The following CASZ1 variants were observed in gnomAD, a reference collection of about 807,000 sequenced individuals.
CASZ1 encodes the protein zinc finger protein castor homolog 1.
A neutral mutation model predicts 135.2 loss-of-function variants in CASZ1; 28 were observed. The ratio of observed to expected loss-of-function variants is 0.21; its 90% CI spans 0.15 to 0.28. The LOEUF (loss-of-function observed/expected upper bound fraction) is 0.28, where lower values mean the gene tolerates loss of function less well. Among genes scored for constraint, CASZ1 ranks in the 10% least tolerant of loss-of-function variants. The pLI is 1.00. For synonymous variants in CASZ1, 1,068 were observed against 1,073.4 expected (o/e 0.99, Z 0.10); for missense variants, 2,161 against 2,453.3 (o/e 0.88, Z 2.52).
In CASZ1 at chr1:10,719,463, C is replaced by T. The variant is rs965380789; in HGVS notation, c.-76-13919G>A. ...CAAGGTGATGTCCTAAGGCTGCACA[C>T]GCCATGCATTTAGAATCTGAGTGCT... On this transcript the variant is annotated intron_variant, in intron 2 of 20. Coordinates refer to ENST00000377022, the MANE Select transcript of CASZ1 (RefSeq NM_001079843.3). This position sits in a 1 kb window ranked among gnomAD's most constrained non-coding sequence, Gnocchi z 4.0. Among the ~76,000 whole-genome samples the T allele has an allele frequency of 5.3e-5, 8 of 152,350 alleles. No homozygotes were observed. The highest frequency in any genetic ancestry group is 1.2e-4 in the African/African-American group (5 of 41,578).
chr1:10,728,785 C>A (rs1639642481), intron 2 of CASZ1, among the ~76,000 whole-genome samples: 1 of 151,826 alleles, frequency 6.6e-6, no homozygotes, highest in Admixed American at 6.6e-5. Flanking sequence ...GGCCGGGCTG[C>A]ACAAAGGGGA....
Position 10,678,180 on chromosome 1 carries a change from G to A in CASZ1, c.17-12609C>T, listed in dbSNP as rs1196836802. On this transcript the variant is annotated intron_variant, in intron 4 of 20. Transcript: ENST00000377022. ...GCAGCAGGTGGCAGAGGAACACGGG[G>A]TGGCACACCACCCGCCCTCCCTGCA... Among the ~76,000 whole-genome samples the A allele has an allele frequency of 2.6e-5, 4 of 152,300 alleles. No homozygotes were observed. The South Asian group carries it at 8.3e-4, about 32-fold the overall frequency.
chr1:10,778,069 A>T (rs1640693326), intron 1 of CASZ1, among the ~76,000 whole-genome samples: 1 of 152,008 alleles, frequency 6.6e-6, no homozygotes, highest in Admixed American at 6.6e-5. Context: ...AAAATCTCAC[A>T]CACACAATCT....
chr1:10,642,998 G>A lies in CASZ1; in HGVS notation c.4023C>T (p.Gly1341=), dbSNP rs1411421370. ...TCTCAGCATCCATCAGGCCTGGGGG[G>A]CCCTGAAAGGACACGGGGGTCCCTG... ...KNFDRVPPSQ[G]PPGLMDAETD... Residue 1341 remains glycine, a splice_region_variant and synonymous_variant, in exon 20 of 21, where the codon GGC becomes GGT. Transcript: ENST00000377022. The A allele has an allele frequency of 1.9e-6, 3 of 1,611,986 alleles. No homozygotes were observed. The highest frequency in any genetic ancestry group is 2.5e-6 in the Non-Finnish European group (3 of 1,179,344).
chr1:10,661,360 C>T (rs1217802945), intron 5 of CASZ1: 1 of 152,274 alleles, frequency 6.6e-6, no homozygotes, highest in African/African-American at 2.4e-5. Context: ...GAGCCACCTC[C>T]CCACAGTGAC....
chr1:10,789,524 GTC>G (rs138435396), intron 1 of CASZ1, among the ~76,000 whole-genome samples: 242 of 145,846 alleles, frequency 1.7e-3, no homozygotes, highest in Middle Eastern at 0.011. Flanking sequence ...ACACGTCCCT[GTC>G]TCTCTCTCTC....
Position 10,767,751 on chromosome 1 carries a change from A to G in CASZ1, c.-233-6894T>C, listed in dbSNP as rs1034837406. ...GAGCCATATTTTATGACCCACTGCA[A>G]GCAGAAAGGGCCACATCAGCAGGTC... On this transcript the variant is annotated intron_variant, in intron 1 of 20. Transcript: ENST00000377022. The surrounding 1 kb of genome is among the most constrained non-coding windows in gnomAD (Gnocchi z 4.2). Among the ~76,000 whole-genome samples, 2 of 152,200 alleles carry G rather than the reference A, an allele frequency of 1.3e-5. No individual in the cohort carries two copies. Among genetic ancestry groups the G allele is most frequent in the African/African-American group, 4.8e-5 (2 of 41,442 alleles).
chr1:10,644,815 T>G, intron 18 of CASZ1, 102 bp downstream of exon 18: 1 of 1,221,776 alleles, frequency 8.2e-7, no homozygotes, highest in Non-Finnish European at 1.2e-6. Flanking sequence ...GAGCCTGCGG[T>G]GGGGAACAGG....
intron 13 of CASZ1, chr1:10,649,932 G>C (rs1381111624): frequency 6.5e-6 from 1 of 152,932 alleles, no homozygotes; most frequent in Admixed American, 6.5e-5. Flanking sequence ...CAGCGGCCGG[G>C]AGGGGGTCAT....
chr1:10,693,910 A>T lies in CASZ1; in HGVS notation c.-21T>A, dbSNP rs766128255. 3 of 1,612,860 alleles carry T rather than the reference A, an allele frequency of 1.9e-6. No homozygotes were observed. Among genetic ancestry groups the T allele is most frequent in the Non-Finnish European group, 2.5e-6 (3 of 1,179,420 alleles). On this transcript the variant is annotated splice_region_variant and 5_prime_UTR_variant, in exon 4 of 21. Coordinates refer to ENST00000377022, the MANE Select transcript of CASZ1 (RefSeq NM_001079843.3). Reference sequence around the variant, plus strand: ...TCCATTCTCTTCTCCTTGGTCCCAAACTCTTCGCAGAACGCCACCAGGGGA... The same window carrying T: ...TCCATTCTCTTCTCCTTGGTCCCAATCTCTTCGCAGAACGCCACCAGGGGA...
At chr1:10,661,779 CACA>C (rs1296083136) in intron 5 of CASZ1, among the ~76,000 whole-genome samples, 1 of 150,908 alleles carries the variant, frequency 6.6e-6, no homozygotes, top group Non-Finnish European at 1.5e-5. Context: ...CACATGCATT[CACA>C]ACACACACAT....
intron 4 of CASZ1, 93 bp downstream of exon 4, chr1:10,693,781 C>T (rs1251830757): frequency 2.5e-6 from 3 of 1,186,252 alleles, no homozygotes; most frequent in Non-Finnish European, 3.8e-6. Flanking sequence ...CACCCGGCCC[C>T]GCCGCCACCT....
At chr1:10,643,117 TC>T in intron 19 of CASZ1, 42 bp downstream of exon 19, 3 of 1,601,818 alleles carry the variant, frequency 1.9e-6, no homozygotes, top group Non-Finnish European at 2.6e-6. Context: ...CATGATGCGT[TC>T]CCGCCACCCT....
intron 4 of CASZ1, among the ~76,000 whole-genome samples, chr1:10,688,557 G>A (rs535891522): frequency 7.9e-5 from 12 of 152,116 alleles, no homozygotes; most frequent in East Asian, 3.9e-4. Context: ...CTGGCTCCTC[G>A]GCCTGGTGGG....
intron 4 of CASZ1, among the ~76,000 whole-genome samples, chr1:10,668,561 C>T (rs543028295): frequency 1.3e-5 from 2 of 152,218 alleles, no homozygotes; most frequent in African/African-American, 2.4e-5. Context: ...TGGGCTGGGC[C>T]GGGGCCTGGG....
intron 4 of CASZ1, 122 bp downstream of exon 4, chr1:10,693,752 G>A: frequency 1.3e-6 from 1 of 774,928 alleles, no homozygotes; most frequent in Non-Finnish European, 2.3e-6. Context: ...GGAGGCAGCC[G>A]CCCGACCCTC....
At chr1:10,779,447 G>T (rs945579820) in intron 1 of CASZ1, among the ~76,000 whole-genome samples, 1 of 152,118 alleles carries the variant, frequency 6.6e-6, no homozygotes, top group African/African-American at 2.4e-5. Flanking sequence ...GCGCCCTGCG[G>T]GGGCCGTGGG....
Position 10,762,598 on chromosome 1 carries a change from A to T in CASZ1, c.-233-1741T>A, listed in dbSNP as rs987879353. On this transcript the variant is annotated intron_variant, in intron 1 of 20. Coordinates refer to ENST00000377022, the MANE Select transcript of CASZ1 (RefSeq NM_001079843.3). The surrounding 1 kb of genome is among the most constrained non-coding windows in gnomAD (Gnocchi z 4.1). ...AGAAGGCATGCCTTGGACCACCTAC[A>T]CTCCTACTCCAAGAATCTCCATCTG... 4.0e-5 allele frequency among the ~76,000 whole-genome samples: 6 copies of T among 151,232 alleles called. No homozygotes were observed. The highest frequency in any genetic ancestry group is 1.5e-4 in the African/African-American group (6 of 41,062).
chr1:10,708,465 G>C (rs1639219835), intron 2 of CASZ1, among the ~76,000 whole-genome samples: 1 of 152,208 alleles, frequency 6.6e-6, no homozygotes, highest in Non-Finnish European at 1.5e-5. Flanking sequence ...AGGAGGAAAA[G>C]AAAAACAAAA....
Sources: allele counts gnomAD v4.1 joint callset (sites outside exome capture counted in the v4.1 genomes callset), GRCh38; gene constraint gnomAD v4.1.1; non-coding constraint Gnocchi (gnomAD v3.1); transcripts MANE v1.5; gene names NCBI Gene and HGNC (gene_info 2026-07-23, HGNC 2026-07-21).